Variants in MAN2A1 observed in about 807,000 individuals in gnomAD.
MAN2A1 encodes alpha-mannosidase 2.
Under a neutral mutation model 142.6 loss-of-function variants are expected in MAN2A1, and 76 were observed. The ratio of observed to expected loss-of-function variants is 0.53; its 90% CI spans 0.44 to 0.65. MAN2A1 has a LOEUF of 0.65. MAN2A1 is among the 30% of genes least tolerant of loss of function. The pLI, the probability that MAN2A1 is intolerant of heterozygous loss-of-function variation, is 0.00. For synonymous variants in MAN2A1, 559 were observed against 473.2 expected, an observed-to-expected ratio of 1.18 and a Z score of -2.35; for missense variants, 1,311 against 1,365.1, an observed-to-expected ratio of 0.96 and a Z score of 0.62.
At chr5:109,749,853 G>A (rs568301559) in intron 4 of MAN2A1, among the ~76,000 whole-genome samples, 1 of 152,134 alleles carries the variant, frequency 6.6e-6, no homozygotes, top group South Asian at 2.1e-4. Flanking sequence ...AGACTTGGAA[G>A]TGCCTGTATT....
chr5:109,792,152 A>G (rs1451048732), intron 12 of MAN2A1, among the ~76,000 whole-genome samples: 1 of 152,112 alleles, frequency 6.6e-6, no homozygotes, highest in African/African-American at 2.4e-5. Flanking sequence ...CCCAGCACCA[A>G]TAATTTAAGT....
intron 20 of MAN2A1, among the ~76,000 whole-genome samples, chr5:109,860,841 T>C (rs1426025460): frequency 1.3e-5 from 2 of 152,218 alleles, no homozygotes; most frequent in African/African-American, 2.4e-5. Flanking sequence ...TGAATTGATA[T>C]ATTTTTTGAT....
intron 5 of MAN2A1, among the ~76,000 whole-genome samples, chr5:109,757,688 A>C (rs573853948): frequency 6.6e-6 from 1 of 151,868 alleles, no homozygotes; most frequent in East Asian, 1.9e-4. Context: ...AGTAGTAGTC[A>C]CTCCCCTTCC....
chr5:109,727,811 C>T (rs950607719), intron 3 of MAN2A1, among the ~76,000 whole-genome samples: 3 of 152,110 alleles, frequency 2.0e-5, no homozygotes, highest in African/African-American at 7.2e-5. Context: ...CTGGGCTATT[C>T]CCTGGGAATC....
At position 109,789,095 on chromosome 5, in the gene MAN2A1, G is replaced by T. The variant is rs780351956; in HGVS notation, c.1875+47G>T. On this transcript the variant is annotated intron_variant, in intron 11 of 21. Transcript: ENST00000261483. ...CATCATAAAAATGTGTAATTCCATT[G>T]TTCTTGCATTAGCAAAGAGGATGAG... The T allele has an allele frequency of 1.8e-5, 17 of 932,602 alleles. No individual in the cohort carries two copies. In the African/African-American group the frequency reaches 2.4e-4, roughly 13 times the overall value. 57.8% of individuals were successfully genotyped at this position (932,602 alleles called of 1,614,324 possible).
intron 2 of MAN2A1, among the ~76,000 whole-genome samples, chr5:109,714,853 G>T (rs1751408245): frequency 6.6e-6 from 1 of 152,204 alleles, no homozygotes. Context: ...ATCAGCTAGA[G>T]TGTAGCCAGA....
intron 1 of MAN2A1, among the ~76,000 whole-genome samples, chr5:109,700,064 T>G (rs1241617495): frequency 6.6e-6 from 1 of 152,182 alleles, no homozygotes; most frequent in Non-Finnish European, 1.5e-5. Flanking sequence ...TATATTTCAG[T>G]TTCCTTAACT....
chr5:109,729,349 G>A lies in MAN2A1; in HGVS notation c.543G>A (p.Leu181=), dbSNP rs781285322. The A allele has an allele frequency of 6.2e-7, 1 of 1,600,302 alleles. No homozygotes were observed. The highest frequency in any genetic ancestry group is 2.3e-5 in the East Asian group (1 of 44,206). The change falls in exon 4 of 22, where the codon TTG becomes TTA. Residue 181 remains leucine (L), a synonymous_variant. Coordinates refer to ENST00000261483, the MANE Select transcript of MAN2A1 (RefSeq NM_002372.4). ...ATTTGTGTCTTGATTTAGGTTGGTT[G>A]AAGACTTTCAATGACTACTTTAGAG... ...VPHSHNDPGW[L]KTFNDYFRDK...
chr5:109,807,474 G>T (rs1368233031), intron 12 of MAN2A1, among the ~76,000 whole-genome samples: 1 of 152,166 alleles, frequency 6.6e-6, no homozygotes, highest in Non-Finnish European at 1.5e-5. Context: ...TATTGGTAGG[G>T]CTGGTTCCTT....
chr5:109,702,737 T>A (rs2300991), intron 1 of MAN2A1, among the ~76,000 whole-genome samples: 26,273 of 152,230 alleles, frequency 0.17, 3,226 homozygotes, highest in East Asian at 0.64. Context: ...CCTTAACTCA[T>A]CTTTGATAAC....
chr5:109,855,215 A>C lies in MAN2A1; in HGVS notation c.3052A>C (p.Ile1018Leu). 3.7e-6 allele frequency: 6 copies of C among 1,606,290 alleles called. No individual in the cohort carries two copies. The highest frequency in any genetic ancestry group is 4.2e-6 in the Non-Finnish European group (5 of 1,177,486). Residue 1018 changes from isoleucine to leucine, a missense_variant, in exon 20 of 22, where the codon ATT becomes CTT. Ile to Leu is a conservative substitution (Grantham distance 5). This residue lies in a region of MAN2A1 where 890 missense variants were observed against 920.5 expected (regional missense o/e 0.97). Coordinates refer to ENST00000261483, the MANE Select transcript of MAN2A1 (RefSeq NM_002372.4). ...TTCTTCTCTCATGAATCATCCAGTC[A>C]TTCCAATGGCAAATAAGTTCTCCTC... ...ITSSLMNHPVIPMANKFSSPT... is the reference protein window; with the variant it reads ...ITSSLMNHPVLPMANKFSSPT...
intron 12 of MAN2A1, among the ~76,000 whole-genome samples, chr5:109,796,806 G>A (rs1753875198): frequency 1.3e-5 from 2 of 152,158 alleles, no homozygotes; most frequent in South Asian, 4.1e-4. Flanking sequence ...CCATGCATGT[G>A]AGCCTATTAT....
intron 3 of MAN2A1, among the ~76,000 whole-genome samples, chr5:109,726,632 C>A (rs1317363768): frequency 6.6e-6 from 1 of 152,162 alleles, no homozygotes; most frequent in African/African-American, 2.4e-5. Flanking sequence ...TCTGTGAAAA[C>A]TCCCATGATA....
Position 109,765,042 on chromosome 5 carries a change from G to A in MAN2A1, c.836-2493G>A, listed in dbSNP as rs139008732. Among the ~76,000 whole-genome samples, 975 of 152,126 alleles carry A rather than the reference G, an allele frequency of 6.4e-3. 11 individuals are homozygous for A. Among genetic ancestry groups the A allele is most frequent in the African/African-American group, 0.022 (913 of 41,502 alleles). Reference sequence around the variant, plus strand: ...CTAAGAAATAAGGACACTTTTATACGTAAATATAATAAAGTTATCAAATCA... The same window carrying A: ...CTAAGAAATAAGGACACTTTTATACATAAATATAATAAAGTTATCAAATCA... On this transcript the variant is annotated intron_variant, in intron 5 of 21. Coordinates refer to ENST00000261483, the MANE Select transcript of MAN2A1 (RefSeq NM_002372.4).
intron 4 of MAN2A1, among the ~76,000 whole-genome samples, chr5:109,742,915 A>G (rs1251202535): frequency 1.3e-5 from 2 of 152,226 alleles, no homozygotes; most frequent in Non-Finnish European, 2.9e-5. Flanking sequence ...GTCTTGAGTG[A>G]GACGGCTATC....
In MAN2A1 at chr5:109,846,023, C is replaced by A; in HGVS notation, c.2842+17C>A. ...TGAATAGTGGTATGTATTGCTTACA[C>A]TCTTTTCCACTCTGAAAGGTTTCAA... is the stretch of plus-strand genomic sequence containing the variant. On this transcript the variant is annotated intron_variant, in intron 18 of 21. Coordinates refer to ENST00000261483, the MANE Select transcript of MAN2A1 (RefSeq NM_002372.4). 1 of 1,581,360 alleles carries A rather than the reference C, an allele frequency of 6.3e-7. No individual in the cohort carries two copies.
At chr5:109,764,964 G>A (rs1211547871) in intron 5 of MAN2A1, among the ~76,000 whole-genome samples, 2 of 152,066 alleles carry the variant, frequency 1.3e-5, no homozygotes, top group Non-Finnish European at 2.9e-5. Flanking sequence ...TCATTTGAGA[G>A]TAAGTTGGAG....
chr5:109,855,260 G>T lies in MAN2A1; in HGVS notation c.3097G>T (p.Gly1033Cys). 1 of 1,607,448 alleles carries T rather than the reference G, an allele frequency of 6.2e-7. No homozygotes were observed. The highest frequency in any genetic ancestry group is 1.3e-5 in the African/African-American group (1 of 74,784). Residue 1033 changes from glycine to cysteine, a missense_variant, in exon 20 of 22, where the codon GGT becomes TGT. Physicochemically the swap from Gly to Cys is radical, Grantham distance 159 (BLOSUM62 -3). This residue lies in a region of MAN2A1 where 890 missense variants were observed against 920.5 expected (regional missense o/e 0.97). Transcript: ENST00000261483. ...KFSSPTLELQ[G>C]EFSPLQSSLP... is the part of the protein sequence containing the mutation. Reference sequence around the variant, plus strand: ...CTCCTCACCTACCCTTGAGCTGCAAGGTGAATTCTCTCCATTACAGTCATC... The same window carrying T: ...CTCCTCACCTACCCTTGAGCTGCAATGTGAATTCTCTCCATTACAGTCATC...
intron 19 of MAN2A1, among the ~76,000 whole-genome samples, chr5:109,852,495 A>G (rs984355629): frequency 6.6e-6 from 1 of 152,210 alleles, no homozygotes; most frequent in Non-Finnish European, 1.5e-5. Context: ...ACTCAAAGTG[A>G]GCTTAATAAA....
Sources: gnomAD v4.1 joint callset for allele counts (sites outside exome capture counted in the v4.1 genomes callset) on GRCh38, gnomAD v4.1.1 for gene constraint, gnomAD v4.1.1 regional missense constraint, MANE v1.5 for transcripts, NCBI Gene and HGNC (gene_info 2026-07-23, HGNC 2026-07-21) for gene names.